PRSS23: variants seen among roughly 807,000 people sequenced by gnomAD.
The protein encoded by PRSS23 is protease, serine 23.
A neutral mutation model predicts 34.7 loss-of-function variants in PRSS23; 25 were observed. That is an observed-to-expected ratio of 0.72 (90% CI 0.53 to 1.01). The LOEUF is 1.01. PRSS23 is among the 50% of genes least tolerant of loss of function. The pLI is 0.00. For synonymous variants in PRSS23, 176 were observed against 186.6 expected (o/e 0.94, Z 0.46); for missense variants, 445 against 475.6 (o/e 0.94, Z 0.60).
chr11:86,815,739 T>C (rs1354853403), downstream of PRSS23, among the ~76,000 whole-genome samples: 2 of 152,172 alleles, frequency 1.3e-5, no homozygotes, highest in East Asian at 3.8e-4. Flanking sequence ...AAAGTGAGTG[T>C]CTGTCTGTCT....
intron 2 of PRSS23, among the ~76,000 whole-genome samples, chr11:86,881,633 C>T (rs537369977): frequency 6.6e-6 from 1 of 152,152 alleles, no homozygotes; most frequent in East Asian, 1.9e-4. Flanking sequence ...GAAAGTGTTC[C>T]CTCTTCTATT....
At chr11:86,873,256 G>GTGTA (rs142908794) in intron 2 of PRSS23, among the ~76,000 whole-genome samples, 18,838 of 119,428 alleles carry the variant, frequency 0.16, 2,019 homozygotes, top group African/African-American at 0.24. Context: ...ACATATATAT[G>GTGTA]TATATATATA....
At chr11:86,840,084 A>C (rs947767538) in intron 2 of PRSS23, among the ~76,000 whole-genome samples, 1 of 152,142 alleles carries the variant, frequency 6.6e-6, no homozygotes, top group Non-Finnish European at 1.5e-5. Context: ...TGACAGGATC[A>C]AATTCAAACA....
At chr11:86,799,579 A>G (rs561028944), upstream of PRSS23, among the ~76,000 whole-genome samples, 70 of 152,292 alleles carry the variant, frequency 4.6e-4, no homozygotes, top group South Asian at 1.2e-3. Flanking sequence ...AAAGCTCTTG[A>G]CCGAAAACGC....
intron 2 of PRSS23, among the ~76,000 whole-genome samples, chr11:86,838,953 G>T (rs569097808): frequency 6.6e-6 from 1 of 151,874 alleles, no homozygotes; most frequent in Non-Finnish European, 1.5e-5. Context: ...TCAACAAAAA[G>T]GACATCCACA....
At chr11:86,861,402 G>T (rs1454141175) in intron 2 of PRSS23, among the ~76,000 whole-genome samples, 2 of 151,952 alleles carry the variant, frequency 1.3e-5, no homozygotes, top group African/African-American at 4.8e-5. Flanking sequence ...GGGAGAGGAT[G>T]ATATTACTCC....
intron 2 of PRSS23, chr11:86,857,318 GA>G: frequency 2.4e-6 from 1 of 420,150 alleles, no homozygotes; most frequent in Non-Finnish European, 3.6e-6. Flanking sequence ...TCTGACGATG[GA>G]ATTCTTGGAA....
At chr11:86,798,097 C>T (rs1947993021), upstream of PRSS23, among the ~76,000 whole-genome samples, 1 of 152,230 alleles carries the variant, frequency 6.6e-6, no homozygotes, top group South Asian at 2.1e-4. Flanking sequence ...GTTGATAAAT[C>T]TCTCCCTTCT....
Position 86,809,118 on chromosome 11 carries a change from A to G in PRSS23, c.*323A>G. On this transcript the variant is annotated 3_prime_UTR_variant, in exon 2 of 2. Coordinates refer to ENST00000280258, the MANE Select transcript of PRSS23 (RefSeq NM_007173.6). ...CACGTTTTTGCAAACTTTGATTTTTATTTCATCTGAACTTGTTTCAAAGAT... is the reference window on the plus strand; with the variant it reads ...CACGTTTTTGCAAACTTTGATTTTTGTTTCATCTGAACTTGTTTCAAAGAT... 1.3e-5 allele frequency: 3 copies of G among 235,526 alleles called. No individual in the cohort carries two copies. The allele number at this position is 235,526 out of a possible 1,614,324, so 14.6% of individuals were successfully genotyped here.
intron 2 of PRSS23, among the ~76,000 whole-genome samples, chr11:86,889,945 G>A (rs777687229): frequency 1.3e-5 from 2 of 152,148 alleles, no homozygotes; most frequent in Non-Finnish European, 2.9e-5. Flanking sequence ...GATCTGGTGT[G>A]GGACCTGGAA....
chr11:86,793,030 A>AT (rs1947960858), intron 1 of PRSS23, among the ~76,000 whole-genome samples: 1 of 152,114 alleles, frequency 6.6e-6, no homozygotes, highest in African/African-American at 2.4e-5. Context: ...TAATTTTTGT[A>AT]TTTTTTTGTA....
At chr11:86,875,264 A>G (rs1014347055) in intron 2 of PRSS23, among the ~76,000 whole-genome samples, 1 of 152,106 alleles carries the variant, frequency 6.6e-6, no homozygotes, top group Non-Finnish European at 1.5e-5. Context: ...CCAGCTACTC[A>G]GGAGGCTGAG....
chr11:86,889,131 T>G (rs2134970118), intron 2 of PRSS23, among the ~76,000 whole-genome samples: 1 of 152,352 alleles, frequency 6.6e-6, no homozygotes, highest in Admixed American at 6.5e-5. Flanking sequence ...TTAAGCAGCC[T>G]TTGATGAGTC....
chr11:86,919,590 C>T (rs892087481), intron 2 of PRSS23, among the ~76,000 whole-genome samples: 3 of 152,322 alleles, frequency 2.0e-5, no homozygotes, highest in African/African-American at 7.2e-5. Context: ...GTGGTCCTGC[C>T]AGTCTGAAAG....
intron 2 of PRSS23, among the ~76,000 whole-genome samples, chr11:86,825,664 G>T (rs1233098369): frequency 6.6e-6 from 1 of 151,818 alleles, no homozygotes; most frequent in Non-Finnish European, 1.5e-5. Flanking sequence ...TGTATAAGGT[G>T]TAAGGAAGGG....
intron 2 of PRSS23, among the ~76,000 whole-genome samples, chr11:86,860,433 G>A (rs1948605394): frequency 6.6e-6 from 1 of 151,348 alleles, no homozygotes; most frequent in Non-Finnish European, 1.5e-5. Context: ...AAGTAGCAGA[G>A]GGTGTACACT....
At chr11:86,822,577 C>T (rs964759573) in intron 1 of PRSS23, among the ~76,000 whole-genome samples, 23 of 149,210 alleles carry the variant, frequency 1.5e-4, no homozygotes, top group African/African-American at 5.5e-4. Flanking sequence ...GCTGTGATCA[C>T]GCCACTGCAC....
intron 2 of PRSS23, chr11:86,837,750 G>C (rs574927214): frequency 6.6e-6 from 1 of 152,390 alleles, no homozygotes; most frequent in South Asian, 2.1e-4. Context: ...CTGGGTGACA[G>C]AGCGAGACTC....
At chr11:86,865,564 C>T (rs1202893029) in intron 2 of PRSS23, among the ~76,000 whole-genome samples, 2 of 152,204 alleles carry the variant, frequency 1.3e-5, no homozygotes, top group Non-Finnish European at 2.9e-5. Flanking sequence ...GCAGGTAGAG[C>T]TGCAGGAGGG....
Sources: allele counts gnomAD v4.1 joint callset (sites outside exome capture counted in the v4.1 genomes callset), GRCh38; gene constraint gnomAD v4.1.1; transcripts MANE v1.5; gene names NCBI Gene and HGNC (gene_info 2026-07-23, HGNC 2026-07-21).